Variants in SLC38A2 observed in about 807,000 individuals in gnomAD.
SLC38A2 encodes solute carrier family 38 member 2.
SLC38A2 carries 11 observed loss-of-function variants against 61.5 expected under a neutral mutation model. That is an observed-to-expected ratio of 0.18 (90% CI 0.11 to 0.30). The LOEUF is 0.30. SLC38A2 is among the 10% of genes least tolerant of loss of function. SLC38A2 has a pLI of 1.00. For missense variants in SLC38A2, 522 were observed against 600.4 expected, an observed-to-expected ratio of 0.87 and a Z score of 1.36; for synonymous variants, 217 against 212.5, an observed-to-expected ratio of 1.02 and a Z score of -0.18.
In SLC38A2 at chr12:46,365,671, G is replaced by A. The variant is rs527582212; in HGVS notation, c.564-482C>T. 5.5e-4 allele frequency among the ~76,000 whole-genome samples: 83 copies of A among 152,036 alleles called. 1 individual carries two copies. Among genetic ancestry groups the A allele is most frequent in the Non-Finnish European group, 9.0e-4 (61 of 67,948 alleles). On this transcript the variant is annotated intron_variant, in intron 7 of 15. Transcript: ENST00000256689. Reference sequence around the variant, plus strand: ...TTATTAAATATTTCAATGAGGAAACGTTTTCATAAAATGCACAGGCAAACT... The same window carrying A: ...TTATTAAATATTTCAATGAGGAAACATTTTCATAAAATGCACAGGCAAACT...
intron 4 of SLC38A2, 126 bp from the exon 5 acceptor site, chr12:46,367,466 G>T: frequency 1.5e-6 from 1 of 659,974 alleles, no homozygotes; most frequent in Non-Finnish European, 2.7e-6. Flanking sequence ...ATGCCCTGAA[G>T]AACTGGCATT....
chr12:46,363,166 A>T, intron 12 of SLC38A2, 21 bp from the exon 13 acceptor site: 1 of 1,607,238 alleles, frequency 6.2e-7, no homozygotes, highest in Non-Finnish European at 8.5e-7. Context: ...AGACCAAAAA[A>T]ACTTTGATTG....
At chr12:46,372,009 G>C (rs1477518878) in intron 1 of SLC38A2, among the ~76,000 whole-genome samples, 1 of 152,102 alleles carries the variant, frequency 6.6e-6, no homozygotes, top group Non-Finnish European at 1.5e-5. Context: ...GCTGGCCCGC[G>C]AGTGCTACGC....
In SLC38A2 at chr12:46,372,643, G is replaced by C. The variant is rs1041606198; in HGVS notation, c.-221C>G. On this transcript the variant is annotated 5_prime_UTR_variant, in exon 1 of 16. Coordinates refer to ENST00000256689, the MANE Select transcript of SLC38A2 (RefSeq NM_018976.5). Reference sequence around the variant, plus strand: ...AAATAATTTTAATAAAAAAGGAAAAGACAAATTGCCGCCCCAATCCTCCGG... The same window carrying C: ...AAATAATTTTAATAAAAAAGGAAAACACAAATTGCCGCCCCAATCCTCCGG... 7.5e-6 allele frequency: 3 copies of C among 398,432 alleles called. No individual in the cohort carries two copies. Among genetic ancestry groups the C allele is most frequent in the African/African-American group, 2.1e-5 (1 of 48,646 alleles). The allele number at this position is 398,432 out of a possible 1,614,324, so 24.7% of individuals were successfully genotyped here. A position where few individuals can be genotyped will look rare whatever the true frequency, so the allele number is the denominator to read the frequency against.
chr12:46,363,160 C>A lies in SLC38A2; in HGVS notation c.1055-15G>T. ...CTCAACATGTTCTACAGGGAAAGACCAAAAAAACTTTGATTGGCTGTTTTC... is the reference window on the plus strand; with the variant it reads ...CTCAACATGTTCTACAGGGAAAGACAAAAAAAACTTTGATTGGCTGTTTTC... On this transcript the variant is annotated splice_polypyrimidine_tract_variant and intron_variant, in intron 12 of 15. Transcript: ENST00000256689. 1 of 1,602,464 alleles carries A rather than the reference C, an allele frequency of 6.2e-7. No homozygotes were observed. Among genetic ancestry groups the A allele is most frequent in the South Asian group, 1.1e-5 (1 of 89,052 alleles).
In SLC38A2 at chr12:46,360,943, A is replaced by C. The variant is rs954279930; in HGVS notation, c.*168T>G. 2 of 571,738 alleles carry C rather than the reference A, an allele frequency of 3.5e-6. No individual in the cohort carries two copies. Among genetic ancestry groups the C allele is most frequent in the South Asian group, 2.6e-5 (1 of 38,766 alleles). The allele number at this position is 571,738 out of a possible 1,614,324, so 35.4% of individuals were successfully genotyped here. ...TAACATACAGATAAGTTTCTTAAAA[A>C]AACAAAACAAAACAAAAAAGTTCAC... On this transcript the variant is annotated 3_prime_UTR_variant, in exon 16 of 16. Transcript: ENST00000256689.
At chr12:46,361,257 T>C (rs1943078334) in intron 15 of SLC38A2, 48 bp from the exon 16 acceptor site, 1 of 1,426,846 alleles carries the variant, frequency 7.0e-7, no homozygotes, top group South Asian at 1.2e-5. Flanking sequence ...AAAACATATA[T>C]GCTAAACATT....
intron 2 of SLC38A2, 42 bp downstream of exon 2, chr12:46,371,136 C>T (rs761547336): frequency 1.9e-6 from 3 of 1,558,656 alleles, no homozygotes; most frequent in East Asian, 2.2e-5. Context: ...TGAACCCAAC[C>T]CATGCAAGCC....
chr12:46,360,883 C>A lies in SLC38A2; in HGVS notation c.*228G>T. On this transcript the variant is annotated 3_prime_UTR_variant, in exon 16 of 16. Coordinates refer to ENST00000256689, the MANE Select transcript of SLC38A2 (RefSeq NM_018976.5). ...GAATAAAATTGTCACTTCCCTTAAC[C>A]CGAGACTCGTGGTTTTGTTGTTCAT... 2.1e-6 allele frequency: 1 copy of A among 476,630 alleles called. No individual in the cohort carries two copies. The highest frequency in any genetic ancestry group is 3.7e-6 in the Non-Finnish European group (1 of 270,712). 29.5% of individuals were successfully genotyped at this position (476,630 alleles called of 1,614,324 possible).
At chr12:46,362,809 C>A in intron 13 of SLC38A2, 171 bp from the exon 14 acceptor site, 1 of 924,822 alleles carries the variant, frequency 1.1e-6, no homozygotes, top group African/African-American at 1.7e-5. Flanking sequence ...AACATCTGAA[C>A]ACTTAAAGAT....
rs753787620 is a variant in SLC38A2 at position 46,364,467 on chromosome 12, T to A, written c.795A>T (p.Thr265=). The A allele has an allele frequency of 1.2e-6, 2 of 1,613,076 alleles. No individual in the cohort carries two copies. The highest frequency in any genetic ancestry group is 2.2e-5 in the South Asian group (2 of 90,906). Residue 265 remains threonine (T), a synonymous_variant, in exon 10 of 16, where the codon ACA becomes ACT. Coordinates refer to ENST00000256689, the MANE Select transcript of SLC38A2 (RefSeq NM_018976.5). ...TATGTGACAAAGCAGGTACAAGAGC[T>A]GTTGGCTGTGTTAAGGTGGTGTTTA... ...ETINTTLTQP[T]ALVPALSHNV...
chr12:46,363,044 T>G lies in SLC38A2; in HGVS notation c.1156A>C (p.Thr386Pro), dbSNP rs1237482814. 1.2e-6 allele frequency: 2 copies of G among 1,612,958 alleles called. No homozygotes were observed. The highest frequency in any genetic ancestry group is 1.7e-6 in the Non-Finnish European group (2 of 1,179,188). ...ACTGGGAAAATAACTACTGGTACTG[T>G]CAGGGTCACAGCCATTAACACAGCC... is the stretch of plus-strand genomic sequence containing the variant. ...RLAVLMAVTL[T>P]VPVVIFPIRS... Residue 386 changes from threonine to proline, a missense_variant, in exon 13 of 16, where the codon ACA becomes CCA. Transcript: ENST00000256689.
intron 8 of SLC38A2, 133 bp downstream of exon 8, chr12:46,364,974 C>T: frequency 1.2e-6 from 1 of 860,914 alleles, no homozygotes; most frequent in African/African-American, 1.7e-5. Flanking sequence ...CTAAATTTTG[C>T]ATGCTGTAAG....
Position 46,360,288 on chromosome 12 carries a change from G to A in SLC38A2, c.*823C>T, listed in dbSNP as rs1040057379. The A allele has an allele frequency of 4.6e-5, 7 of 152,572 alleles. No individual in the cohort carries two copies. The highest frequency in any genetic ancestry group is 3.3e-4 in the Admixed American group (5 of 15,280). The allele number at this position is 152,572 out of a possible 1,614,324, so 9.5% of individuals were successfully genotyped here. ...GCATTATCTTCCATTCTAATAAGTT[G>A]AAGACACAAACATTTCAGTCTGAAT... On this transcript the variant is annotated 3_prime_UTR_variant, in exon 16 of 16. Transcript: ENST00000256689.
intron 15 of SLC38A2, 54 bp downstream of exon 15, chr12:46,362,230 T>C (rs1226404888): frequency 7.2e-5 from 98 of 1,368,780 alleles, no homozygotes; most frequent in Admixed American, 4.8e-5. Flanking sequence ...TTAAAATCAG[T>C]TGGGGAAATT....
chr12:46,371,546 G>A (rs568035280), intron 1 of SLC38A2, 167 bp from the exon 2 acceptor site: 3 of 470,006 alleles, frequency 6.4e-6, no homozygotes, highest in Middle Eastern at 5.7e-4. Flanking sequence ...AAGTACAGAC[G>A]GCGGAGCCGC....
chr12:46,365,307 T>C (rs895622390), intron 7 of SLC38A2, 118 bp from the exon 8 acceptor site: 1 of 859,242 alleles, frequency 1.2e-6, no homozygotes, highest in Non-Finnish European at 1.9e-6. Context: ...AAAAAAGACA[T>C]GTTTGGAAAA....
intron 8 of SLC38A2, 187 bp from the exon 9 acceptor site, chr12:46,364,889 C>A: frequency 1.5e-6 from 1 of 669,526 alleles, no homozygotes; most frequent in Non-Finnish European, 2.5e-6. Flanking sequence ...TGTCATAACC[C>A]AAGCTAATAA....
chr12:46,362,113 T>C (rs1026297167), intron 15 of SLC38A2, 171 bp downstream of exon 15: 2 of 557,694 alleles, frequency 3.6e-6, no homozygotes, highest in Non-Finnish European at 6.2e-6. Context: ...GCAAACTATC[T>C]TTCCCCTTCC....
Sources: gnomAD v4.1 joint callset for allele counts (sites outside exome capture counted in the v4.1 genomes callset) on GRCh38, gnomAD v4.1.1 for gene constraint, MANE v1.5 for transcripts, NCBI Gene and HGNC (gene_info 2026-07-23, HGNC 2026-07-21) for gene names.